INTS14: variants seen among roughly 807,000 people sequenced by gnomAD.
The protein encoded by INTS14 is integrator complex subunit 14, also known as UPF0464 protein C15orf44.
Under a neutral mutation model 56.9 loss-of-function variants are expected in INTS14, and 27 were observed. The ratio of observed to expected loss-of-function variants is 0.47; its 90% CI spans 0.35 to 0.65. INTS14 has a LOEUF of 0.65. Ranked by LOEUF, INTS14 falls within the 30% of genes least tolerant of loss-of-function variation. The pLI is 0.00. For synonymous variants in INTS14, 207 were observed against 236.2 expected (o/e 0.88, Z 1.13); for missense variants, 517 against 632.2 (o/e 0.82, Z 1.95).
In INTS14 at chr15:65,581,960, G is replaced by A; in HGVS notation, c.1299C>T (p.Phe433=). The change falls in exon 11 of 12, where the codon TTC becomes TTT. Residue 433 remains phenylalanine, a synonymous_variant. Transcript: ENST00000313182. ...CCTCTTCTGTCTGTCTCACCTTATA[G>A]AATGTCTGTGTTTTTTCAGGTAGTT... is the stretch of plus-strand genomic sequence containing the variant. ...ARKLPEKTQT[F]YKELNRLRKA... The A allele has an allele frequency of 6.2e-7, 1 of 1,613,068 alleles. No individual in the cohort carries two copies. The highest frequency in any genetic ancestry group is 8.5e-7 in the Non-Finnish European group (1 of 1,179,810).
At chr15:65,583,775 T>C (rs887109309) in intron 10 of INTS14, among the ~76,000 whole-genome samples, 22 of 152,184 alleles carry the variant, frequency 1.4e-4, no homozygotes, top group African/African-American at 5.1e-4. Context: ...AGCTCAGCTA[T>C]AACTGGTGGT....
intron 9 of INTS14, among the ~76,000 whole-genome samples, chr15:65,590,106 C>T (rs1177476030): frequency 6.6e-6 from 1 of 152,156 alleles, no homozygotes; most frequent in Non-Finnish European, 1.5e-5. Context: ...ATTGATCCTA[C>T]CTCCTAAATA....
chr15:65,607,521 A>G, intron 1 of INTS14, 79 bp from the exon 2 acceptor site: 1 of 1,447,800 alleles, frequency 6.9e-7, no homozygotes, highest in East Asian at 2.5e-5. Flanking sequence ...AACTTCTCAG[A>G]AATTAGCAGA....
At chr15:65,595,669 TA>T in intron 7 of INTS14, 63 bp downstream of exon 7, 1 of 1,346,970 alleles carries the variant, frequency 7.4e-7, no homozygotes, top group Non-Finnish European at 1.0e-6. Context: ...TCCTACTATC[TA>T]AGATTTAAGA....
chr15:65,586,272 C>T (rs1378139258), intron 9 of INTS14, among the ~76,000 whole-genome samples: 2 of 152,142 alleles, frequency 1.3e-5, no homozygotes, highest in African/African-American at 4.8e-5. Context: ...AACTCTAGAG[C>T]GAAGATGTTA....
Position 65,582,030 on chromosome 15 carries a change from TA to T in INTS14, c.1240-12del, listed in dbSNP as rs71139418. Reference sequence around the variant, plus strand: ...CTTCTGTACATCTGTCTATTAAGGGTAAAAAAAAAAATCCAACATTAGAATT... The same window carrying T: ...CTTCTGTACATCTGTCTATTAAGGGTAAAAAAAAAATCCAACATTAGAATT... On this transcript the variant is annotated splice_polypyrimidine_tract_variant and intron_variant, in intron 10 of 11. Transcript: ENST00000313182. The T allele has an allele frequency of 0.021, 26,313 of 1,255,004 alleles. No individual in the cohort carries two copies. Among genetic ancestry groups the T allele is most frequent in the Non-Finnish European group, 0.022 (20,392 of 924,676 alleles). The allele number at this position is 1,255,004 out of a possible 1,614,324, so 77.7% of individuals were successfully genotyped here. A position where few individuals can be genotyped will look rare whatever the true frequency, so the allele number is the denominator to read the frequency against.
chr15:65,588,829 T>A (rs1293773906), intron 9 of INTS14, among the ~76,000 whole-genome samples: 1 of 152,218 alleles, frequency 6.6e-6, no homozygotes, highest in African/African-American at 2.4e-5. Flanking sequence ...TAAGTTTTAT[T>A]ATTAATTGTT....
chr15:65,585,486 C>A (rs574138403), intron 9 of INTS14, among the ~76,000 whole-genome samples: 1 of 152,104 alleles, frequency 6.6e-6, no homozygotes, highest in Admixed American at 6.5e-5. Context: ...AGGCAAAGGG[C>A]AAGACAAGAA....
chr15:65,594,543 C>T (rs1277119667), intron 7 of INTS14, among the ~76,000 whole-genome samples: 6 of 150,720 alleles, frequency 4.0e-5, no homozygotes, highest in African/African-American at 1.5e-4. Flanking sequence ...CAGGCGCCTG[C>T]CACTACGCCC....
Position 65,579,266 on chromosome 15 carries a change from T to C in INTS14, c.*142A>G, listed in dbSNP as rs2072485994. ...CATCCTTCTCATACTAGTAGAGTCA[T>C]TCAAAACAGCAAGTGGTGCTTCTGA... On this transcript the variant is annotated 3_prime_UTR_variant, in exon 12 of 12. Transcript: ENST00000313182. 1.7e-6 allele frequency: 2 copies of C among 1,208,106 alleles called. No individual in the cohort carries two copies. The highest frequency in any genetic ancestry group is 3.0e-5 in the South Asian group (2 of 66,508). The allele number at this position is 1,208,106 out of a possible 1,614,324, so 74.8% of individuals were successfully genotyped here.
At chr15:65,593,293 T>TGGGAAAAGTGTGTGGC (rs1427217816) in intron 8 of INTS14, 135 bp downstream of exon 8, 5 of 1,092,290 alleles carry the variant, frequency 4.6e-6, no homozygotes, top group Non-Finnish European at 5.2e-6. Context: ...TAGTAGCAGG[T>TGGGAAAAGTGTGTGGC]GGGAAAAGTG....
chr15:65,599,537 C>T (rs535190654), intron 4 of INTS14: 9 of 389,186 alleles, frequency 2.3e-5, no homozygotes, highest in South Asian at 1.0e-4. Flanking sequence ...ACCCTTTATG[C>T]ACCCATCAGC....
In INTS14 at chr15:65,582,036, A is replaced by G. The variant is rs776494570; in HGVS notation, c.1240-17T>C. On this transcript the variant is annotated splice_polypyrimidine_tract_variant and intron_variant, in intron 10 of 11. Transcript: ENST00000313182. Reference sequence around the variant, plus strand: ...TACATCTGTCTATTAAGGGTAAAAAAAAAAATCCAACATTAGAATTCTGTG... The same window carrying G: ...TACATCTGTCTATTAAGGGTAAAAAGAAAAATCCAACATTAGAATTCTGTG... The G allele has an allele frequency of 1.3e-5, 21 of 1,581,586 alleles. No individual in the cohort carries two copies. Among genetic ancestry groups the G allele is most frequent in the Non-Finnish European group, 1.8e-5 (21 of 1,169,476 alleles).
At chr15:65,596,007 T>C (rs1189157046) in intron 6 of INTS14, among the ~76,000 whole-genome samples, 182 bp from the exon 7 acceptor site, 1 of 152,222 alleles carries the variant, frequency 6.6e-6, no homozygotes, top group Non-Finnish European at 1.5e-5. Flanking sequence ...CAGGAAATAA[T>C]GATAACTGTC....
chr15:65,584,281 G>C (rs1188689335), intron 10 of INTS14, among the ~76,000 whole-genome samples: 2 of 152,178 alleles, frequency 1.3e-5, no homozygotes. Context: ...TGAAGGGATG[G>C]AAGAAATATA....
chr15:65,584,693 A>G (rs1245166482), intron 10 of INTS14, 77 bp downstream of exon 10: 2 of 1,261,902 alleles, frequency 1.6e-6, no homozygotes, highest in Non-Finnish European at 2.2e-6. Flanking sequence ...AAGGAAAAGA[A>G]AATCAAATAA....
intron 6 of INTS14, 68 bp from the exon 7 acceptor site, chr15:65,595,893 C>T (rs2141288317): frequency 7.9e-7 from 1 of 1,265,334 alleles, no homozygotes; most frequent in Middle Eastern, 1.9e-4. Flanking sequence ...CCATGTATTA[C>T]ATTTCACAAA....
intron 9 of INTS14, 90 bp downstream of exon 9, chr15:65,591,508 C>A: frequency 6.7e-7 from 1 of 1,497,980 alleles, no homozygotes; most frequent in Middle Eastern, 1.8e-4. Flanking sequence ...TAAGGGAGAT[C>A]AATCAGTTCT....
At chr15:65,580,261 A>G (rs2072548809) in intron 11 of INTS14, among the ~76,000 whole-genome samples, 1 of 152,202 alleles carries the variant, frequency 6.6e-6, no homozygotes, top group Non-Finnish European at 1.5e-5. Flanking sequence ...AATGAGGAGA[A>G]TAACCCCTTC....
Sources: gnomAD v4.1 joint callset for allele counts (sites outside exome capture counted in the v4.1 genomes callset) on GRCh38, gnomAD v4.1.1 for gene constraint, MANE v1.5 for transcripts, NCBI Gene and HGNC (gene_info 2026-07-23, HGNC 2026-07-21) for gene names.